SPMAP2L: variants seen among roughly 807,000 people sequenced by gnomAD.
SPMAP2L encodes the protein sperm microtubule associated protein 2 like, also known as sperm microtubule associated protein 2-like.
the SPMAP2L span, among the ~76,000 whole-genome samples, chr4:56,623,983 G>A: frequency 6.6e-6 from 1 of 152,176 alleles, no homozygotes; most frequent in Non-Finnish European, 1.5e-5. Flanking sequence ...AGTTTGGAGG[G>A]CTCAGAAGAA....
At chr4:56,594,449 C>G in the SPMAP2L span, 2 of 1,605,364 alleles carry the variant, frequency 1.2e-6, no homozygotes, top group South Asian at 2.2e-5. Context: ...TTTCTGAGAG[C>G]TTGAGAAGGA....
chr4:56,593,676 T>C, the SPMAP2L span: 161 of 1,602,434 alleles, frequency 1.0e-4, 1 homozygote, highest in Non-Finnish European at 1.3e-4. Context: ...CGAGAAAGCT[T>C]GGTGAGAATG....
chr4:56,587,917 T>A, the SPMAP2L span, among the ~76,000 whole-genome samples: 1 of 152,252 alleles, frequency 6.6e-6, no homozygotes, highest in Non-Finnish European at 1.5e-5. Flanking sequence ...GTGGCTGTAC[T>A]AGTTTACATT....
the SPMAP2L span, chr4:56,530,923 T>C: frequency 1.3e-6 from 2 of 1,535,090 alleles, no homozygotes; most frequent in Middle Eastern, 1.7e-4. Flanking sequence ...TCATGAGTCC[T>C]ATGAGCCCCA....
the SPMAP2L span, among the ~76,000 whole-genome samples, chr4:56,568,519 A>G: frequency 1.3e-5 from 2 of 152,274 alleles, no homozygotes; most frequent in Middle Eastern, 3.4e-3. Flanking sequence ...TTACCAAATA[A>G]TTTGCTCATT....
chr4:56,558,784 T>G, the SPMAP2L span, among the ~76,000 whole-genome samples: 48 of 152,292 alleles, frequency 3.2e-4, no homozygotes, highest in East Asian at 8.5e-3. Context: ...ATTTTTTTCA[T>G]CCTTTTATGA....
the SPMAP2L span, among the ~76,000 whole-genome samples, chr4:56,571,505 C>T: frequency 6.6e-6 from 1 of 151,804 alleles, no homozygotes; most frequent in African/African-American, 2.4e-5. Flanking sequence ...TTGGTAGAAA[C>T]AGGGCTTTGC....
the SPMAP2L span, among the ~76,000 whole-genome samples, chr4:56,625,809 A>G: frequency 6.6e-6 from 1 of 152,218 alleles, no homozygotes; most frequent in African/African-American, 2.4e-5. Context: ...AATACAGGCC[A>G]TGTATTTTAT....
the SPMAP2L span, among the ~76,000 whole-genome samples, chr4:56,585,550 C>T: frequency 6.6e-6 from 1 of 152,100 alleles, no homozygotes; most frequent in South Asian, 2.1e-4. Context: ...TTATGTTGTT[C>T]AGGCTGGTCT....
At chr4:56,535,388 G>A in the SPMAP2L span, among the ~76,000 whole-genome samples, 2 of 152,148 alleles carry the variant, frequency 1.3e-5, no homozygotes, top group Admixed American at 1.3e-4. Context: ...AATTGGTTAT[G>A]TTATCTATAG....
the SPMAP2L span, chr4:56,531,211 T>A: frequency 6.7e-6 from 10 of 1,482,804 alleles, no homozygotes; most frequent in African/African-American, 1.3e-4. Flanking sequence ...TGCTTCTCCC[T>A]TCCCCTCATT....
At chr4:56,549,020 G>A in the SPMAP2L span, among the ~76,000 whole-genome samples, 11 of 140,188 alleles carry the variant, frequency 7.8e-5, no homozygotes, top group South Asian at 6.6e-4. Flanking sequence ...ACAGAGTCTC[G>A]CTCTGTTCCC....
chr4:56,606,223 G>C, the SPMAP2L span, among the ~76,000 whole-genome samples: 1 of 152,234 alleles, frequency 6.6e-6, no homozygotes. Flanking sequence ...ATTCCAAGTA[G>C]TGGGAACATA....
At chr4:56,543,289 T>C in the SPMAP2L span, among the ~76,000 whole-genome samples, 1 of 152,118 alleles carries the variant, frequency 6.6e-6, no homozygotes, top group Non-Finnish European at 1.5e-5. Context: ...TTCACCGTGT[T>C]AGCCAGGATG....
the SPMAP2L span, among the ~76,000 whole-genome samples, chr4:56,534,125 G>T: frequency 1.3e-5 from 2 of 152,066 alleles, no homozygotes; most frequent in African/African-American, 4.8e-5. Flanking sequence ...CAATTGAATT[G>T]CCTGCAAGTC....
At chr4:56,617,382 G>A in the SPMAP2L span, among the ~76,000 whole-genome samples, 1 of 152,158 alleles carries the variant, frequency 6.6e-6, no homozygotes, top group Non-Finnish European at 1.5e-5. Flanking sequence ...ACTGTATTAT[G>A]TTTTTTCCTA....
the SPMAP2L span, among the ~76,000 whole-genome samples, chr4:56,547,978 A>C: frequency 6.6e-6 from 1 of 152,170 alleles, no homozygotes; most frequent in African/African-American, 2.4e-5. Flanking sequence ...CTTTGCCCAC[A>C]CTTGAATTAT....
At chr4:56,594,227 G>A in the SPMAP2L span, 4 of 1,605,836 alleles carry the variant, frequency 2.5e-6, no homozygotes, top group South Asian at 3.3e-5. Context: ...CACCCATCAA[G>A]TGTTCAACAG....
At chr4:56,578,732 A>G in the SPMAP2L span, among the ~76,000 whole-genome samples, 3 of 152,148 alleles carry the variant, frequency 2.0e-5, no homozygotes, top group Non-Finnish European at 2.9e-5. Context: ...TAAGACAAAC[A>G]TTGTTACTAA....
Sources: allele counts gnomAD v4.1 joint callset (sites outside exome capture counted in the v4.1 genomes callset), GRCh38; gene constraint gnomAD v4.1.1; transcripts MANE v1.5; gene names NCBI Gene and HGNC (gene_info 2026-07-23, HGNC 2026-07-21).